The following DTNB variants were observed in gnomAD, a reference collection of about 807,000 sequenced individuals.
DTNB encodes the protein DTN-B.
In DTNB, 63 loss-of-function variants were observed where a neutral mutation model predicts 90.7. The ratio of observed to expected loss-of-function variants is 0.69; its 90% CI spans 0.57 to 0.86. The LOEUF (loss-of-function observed/expected upper bound fraction) is 0.86, where lower values mean the gene tolerates loss of function less well. DTNB is among the 40% of genes least tolerant of loss of function. The probability of loss-of-function intolerance (pLI) is 0.00; values close to 1 mark genes in which losing one functional copy is unlikely to be tolerated. For synonymous variants in DTNB, 277 were observed against 286.7 expected, an observed-to-expected ratio of 0.97 and a Z score of 0.34; for missense variants, 744 against 807.1, an observed-to-expected ratio of 0.92 and a Z score of 0.95.
In DTNB at chr2:25,596,136, G is replaced by A; in HGVS notation, c.553C>T (p.Pro185Ser). ...LKLPTAVFEG[P>S]SFGYTEHSVR... The stretch of plus-strand genomic sequence containing the variant: ...GAGTGCTCTGTGTAACCAAAAGATG[G>A]CCCTTCAAAGACAGCTGTTGGGAGC... The change falls in exon 6 of 21, where the codon CCA (proline) becomes TCA (serine). Residue 185 changes from proline to serine, a missense_variant. Physicochemically the swap from Pro to Ser is moderately conservative, Grantham distance 74 (BLOSUM62 -1). Coordinates refer to ENST00000406818, the MANE Select transcript of DTNB (RefSeq NM_021907.5). 2 of 1,613,250 alleles carry A rather than the reference G, an allele frequency of 1.2e-6. No homozygotes were observed. Among genetic ancestry groups the A allele is most frequent in the African/African-American group, 1.3e-5 (1 of 74,942 alleles).
At chr2:25,566,760 C>T (rs1038244369) in intron 8 of DTNB, among the ~76,000 whole-genome samples, 1 of 152,124 alleles carries the variant, frequency 6.6e-6, no homozygotes, top group Non-Finnish European at 1.5e-5. Context: ...AGGGAAGTGG[C>T]GTTCTTCCAG....
At chr2:25,661,721 T>C (rs2083212289) in intron 1 of DTNB, among the ~76,000 whole-genome samples, 1 of 152,150 alleles carries the variant, frequency 6.6e-6, no homozygotes, top group African/African-American at 2.4e-5. Context: ...AAAATATAAT[T>C]TACCCATCAC....
At chr2:25,636,734 T>C (rs551625654) in intron 3 of DTNB, among the ~76,000 whole-genome samples, 68 of 152,290 alleles carry the variant, frequency 4.5e-4, no homozygotes, top group Non-Finnish European at 8.5e-4. Flanking sequence ...AGTTGCATTC[T>C]AATATTTTAT....
chr2:25,673,572 G>A lies in DTNB; in HGVS notation c.-188C>T, dbSNP rs912124878. ...CGCTTCTCCGCCCGGCACGCGCAGC[G>A]CCCGCCCCCGGCGCGAGGGCGCGAG... On this transcript the variant is annotated 5_prime_UTR_variant, in exon 1 of 21. Transcript: ENST00000406818. 3.4e-5 allele frequency: 5 copies of A among 146,790 alleles called. No individual in the cohort carries two copies. Among genetic ancestry groups the A allele is most frequent in the African/African-American group, 9.8e-5 (4 of 40,650 alleles). 9.1% of individuals were successfully genotyped at this position (146,790 alleles called of 1,614,324 possible).
At chr2:25,537,406 T>TA (rs1180462427) in intron 8 of DTNB, among the ~76,000 whole-genome samples, 1 of 151,974 alleles carries the variant, frequency 6.6e-6, no homozygotes, top group Non-Finnish European at 1.5e-5. Context: ...AGCCATGAAA[T>TA]AGAAAGGTAA....
intron 8 of DTNB, among the ~76,000 whole-genome samples, chr2:25,550,113 C>T (rs914326581): frequency 7.9e-5 from 12 of 151,382 alleles, no homozygotes; most frequent in South Asian, 2.1e-4. Flanking sequence ...TATTGTTGGC[C>T]GGGCGCGGTG....
chr2:25,389,684 CCTT>C (rs1008366250), intron 16 of DTNB, among the ~76,000 whole-genome samples: 1 of 152,070 alleles, frequency 6.6e-6, no homozygotes, highest in African/African-American at 2.4e-5. Context: ...AGACAGTTAT[CCTT>C]CTTCTAGCTT....
chr2:25,553,246 T>C (rs1036377250), intron 8 of DTNB, among the ~76,000 whole-genome samples: 44 of 152,310 alleles, frequency 2.9e-4, no homozygotes, highest in African/African-American at 1.0e-3. Flanking sequence ...GTCATAGGCA[T>C]GTGACACATC....
At chr2:25,423,078 T>C (rs2050312010) in intron 15 of DTNB, among the ~76,000 whole-genome samples, 1 of 152,122 alleles carries the variant, frequency 6.6e-6, no homozygotes, top group South Asian at 2.1e-4. Flanking sequence ...TAATCCCAAC[T>C]ACTCAGGAGA....
chr2:25,603,904 C>T (rs2066455761), intron 5 of DTNB, among the ~76,000 whole-genome samples: 1 of 152,176 alleles, frequency 6.6e-6, no homozygotes, highest in Admixed American at 6.5e-5. Flanking sequence ...GCCACCTCAA[C>T]TAAGTAGGAC....
chr2:25,545,709 C>T lies in DTNB; in HGVS notation c.877-14112G>A, dbSNP rs530524578. The stretch of plus-strand genomic sequence containing the variant: ...CGATCTTGGCTCACTGCAGCCTCCG[C>T]CTCCCGGGTTCAAGCAATTCTCCTG... On this transcript the variant is annotated intron_variant, in intron 8 of 20. Transcript: ENST00000406818. Among the ~76,000 whole-genome samples the T allele has an allele frequency of 4.6e-5, 7 of 152,278 alleles. No homozygotes were observed. The East Asian group carries it at 7.7e-4, about 17-fold the overall frequency.
intron 4 of DTNB, among the ~76,000 whole-genome samples, chr2:25,625,320 G>A (rs2073872232): frequency 6.6e-6 from 1 of 152,042 alleles, no homozygotes; most frequent in African/African-American, 2.4e-5. Flanking sequence ...AAAATGCCCT[G>A]GTTTTCAAAA....
chr2:25,414,169 G>A (rs2047303208), intron 16 of DTNB, among the ~76,000 whole-genome samples: 1 of 151,970 alleles, frequency 6.6e-6, no homozygotes, highest in African/African-American at 2.4e-5. Context: ...TGTAGATTCT[G>A]GATATTAGCC....
In DTNB at chr2:25,433,134, A is replaced by C. The variant is rs73922403; in HGVS notation, c.1344-135T>G. On this transcript the variant is annotated intron_variant, in intron 13 of 20. Coordinates refer to ENST00000406818, the MANE Select transcript of DTNB (RefSeq NM_021907.5). ...TTTTGATTGCTTCCAAATGGCCAAGAGGTGAAATGGACACCTTCTCAATAC... is the reference window on the plus strand; with the variant it reads ...TTTTGATTGCTTCCAAATGGCCAAGCGGTGAAATGGACACCTTCTCAATAC... 8.4e-3 allele frequency: 6,682 copies of C among 794,598 alleles called. 321 individuals carry two copies. The African/African-American group carries it at 0.1, about 12-fold the overall frequency. The allele number at this position is 794,598 out of a possible 1,614,324, so 49.2% of individuals were successfully genotyped here.
At chr2:25,500,900 G>A (rs1378281208) in intron 9 of DTNB, among the ~76,000 whole-genome samples, 1 of 152,204 alleles carries the variant, frequency 6.6e-6, no homozygotes, top group African/African-American at 2.4e-5. Flanking sequence ...GCTTCTCAGC[G>A]GCCATGAGCC....
rs1359293480 is a variant in DTNB at position 25,432,889 on chromosome 2, A to G, written c.1454T>C (p.Leu485Pro). The change falls in exon 14 of 21, where the codon CTG becomes CCG. Residue 485 changes from leucine (L) to proline (P), a missense_variant. Leu to Pro is a moderately conservative substitution (Grantham distance 98, BLOSUM62 -3). Transcript: ENST00000406818. ...NPTLLAELRLLRQRKDELEQR... is the reference protein window; with the variant it reads ...NPTLLAELRLPRQRKDELEQR... ...GTGGTAGAGTGTCCCTACTCACCTCAGCAGCCGCAGCTCTGCCAGCAGCGT... is the reference window on the plus strand; with the variant it reads ...GTGGTAGAGTGTCCCTACTCACCTCGGCAGCCGCAGCTCTGCCAGCAGCGT... The G allele has an allele frequency of 1.9e-6, 3 of 1,598,204 alleles. No individual in the cohort carries two copies. The highest frequency in any genetic ancestry group is 8.5e-7 in the Non-Finnish European group (1 of 1,173,350).
chr2:25,398,309 G>C (rs969402679), intron 16 of DTNB, among the ~76,000 whole-genome samples: 2 of 152,224 alleles, frequency 1.3e-5, no homozygotes, highest in African/African-American at 4.8e-5. Context: ...TGTTTGTTCA[G>C]AGCAGTTGAA....
chr2:25,450,092 C>A (rs2059052883), intron 12 of DTNB, among the ~76,000 whole-genome samples: 1 of 152,038 alleles, frequency 6.6e-6, no homozygotes, highest in Admixed American at 6.5e-5. Context: ...GTTTGTGATC[C>A]CTATAAACTC....
chr2:25,642,630 T>C (rs2078590095), intron 2 of DTNB, among the ~76,000 whole-genome samples: 1 of 152,038 alleles, frequency 6.6e-6, no homozygotes, highest in African/African-American at 2.4e-5. Context: ...CAGGCTGGTC[T>C]TGAACTCCCG....
Sources: gnomAD v4.1 joint callset for allele counts (sites outside exome capture counted in the v4.1 genomes callset) on GRCh38, gnomAD v4.1.1 for gene constraint, MANE v1.5 for transcripts, NCBI Gene and HGNC (gene_info 2026-07-23, HGNC 2026-07-21) for gene names.